SGCD: variants seen among roughly 807,000 people sequenced by gnomAD.
The protein encoded by SGCD is delta-sarcoglycan.
In SGCD, 18 loss-of-function variants were observed where a neutral mutation model predicts 36.6. The observed-to-expected ratio is 0.49, with a 90% CI of 0.34 to 0.73. The LOEUF (loss-of-function observed/expected upper bound fraction) is 0.73, where lower values mean the gene tolerates loss of function less well. Ranked by LOEUF, SGCD falls within the 30% of genes least tolerant of loss-of-function variation. The probability of loss-of-function intolerance (pLI) is 0.01; values close to 1 mark genes in which losing one functional copy is unlikely to be tolerated. For missense variants in SGCD, 387 were observed against 346.7 expected (o/e 1.12, Z -0.92); for synonymous variants, 133 against 130.6 (o/e 1.02, Z -0.12).
At chr5:156,282,688 C>A (rs887809855) in intron 3 of SGCD, among the ~76,000 whole-genome samples, 2 of 151,854 alleles carry the variant, frequency 1.3e-5, no homozygotes, top group African/African-American at 2.4e-5. Flanking sequence ...TGATTACTTA[C>A]GTGTGGTCTA....
intron 7 of SGCD, among the ~76,000 whole-genome samples, chr5:156,667,108 C>T (rs1228417648): frequency 2.6e-5 from 4 of 152,172 alleles, no homozygotes; most frequent in Non-Finnish European, 4.4e-5. Context: ...TTCAGATTTT[C>T]AGATTTGGGG....
intron 1 of SGCD, among the ~76,000 whole-genome samples, chr5:155,985,978 C>T (rs928113215): frequency 6.6e-6 from 1 of 152,090 alleles, no homozygotes; most frequent in South Asian, 2.1e-4. Flanking sequence ...TCCTGGTGGT[C>T]TAAAACTTTT....
chr5:156,189,089 G>A (rs1763830412), intron 3 of SGCD, among the ~76,000 whole-genome samples: 2 of 152,138 alleles, frequency 1.3e-5, no homozygotes, highest in Admixed American at 6.5e-5. Context: ...GCTTTCGCTT[G>A]ACTCTCCACC....
chr5:156,049,349 C>G lies in SGCD; in HGVS notation c.-281-68529C>G, dbSNP rs530809092. ...ATATGAACTTTAAAGTAGTTTTTTC[C>G]AATTCTGTGAAGAAAGTCATTGGTA... On this transcript the variant is annotated intron_variant, in intron 1 of 9. Transcript: ENST00000517913. Among the ~76,000 whole-genome samples the G allele has an allele frequency of 1.4e-5, 2 of 145,640 alleles. 1 individual carries two copies. Among genetic ancestry groups the G allele is most frequent in the Non-Finnish European group, 3.1e-5 (2 of 64,632 alleles).
chr5:156,580,614 CT>C (rs1760213334), intron 4 of SGCD, among the ~76,000 whole-genome samples: 1 of 152,076 alleles, frequency 6.6e-6, no homozygotes, highest in South Asian at 2.1e-4. Context: ...ACTCTTTTTT[CT>C]CTAAACTTCT....
intron 7 of SGCD, among the ~76,000 whole-genome samples, chr5:156,698,242 A>G (rs1754394998): frequency 6.6e-6 from 1 of 152,160 alleles, no homozygotes; most frequent in South Asian, 2.1e-4. Context: ...GCATGAAATC[A>G]CTCATAAGAA....
In SGCD at chr5:156,393,946, T is replaced by C. The variant is rs569849777; in HGVS notation, c.192+49269T>C. 4.6e-5 allele frequency: 18 copies of C among 390,026 alleles called. No homozygotes were observed. The East Asian group carries it at 1.2e-3, about 26-fold the overall frequency. 24.2% of individuals were successfully genotyped at this position (390,026 alleles called of 1,614,324 possible). A position where few individuals can be genotyped will look rare whatever the true frequency, so the allele number is the denominator to read the frequency against. On this transcript the variant is annotated intron_variant, in intron 3 of 8. Coordinates refer to ENST00000337851, the MANE Select transcript of SGCD (RefSeq NM_000337.6). The stretch of plus-strand genomic sequence containing the variant: ...AAGAGATGGGTAAGACCTGATTCTT[T>C]CCCTGAAAAAGGCCACATTCTAAGC...
chr5:156,364,958 G>A (rs891209008), intron 3 of SGCD, among the ~76,000 whole-genome samples: 1 of 152,204 alleles, frequency 6.6e-6, no homozygotes, highest in African/African-American at 2.4e-5. Flanking sequence ...GTGCATGTTG[G>A]TAAAACGGAG....
intron 1 of SGCD, among the ~76,000 whole-genome samples, chr5:156,094,330 T>A (rs1761325418): frequency 6.6e-6 from 1 of 152,124 alleles, no homozygotes; most frequent in Non-Finnish European, 1.5e-5. Context: ...AAGGGTGAGA[T>A]CTTCCTCATC....
the SGCD span, among the ~76,000 whole-genome samples, chr5:155,854,620 A>G: frequency 6.6e-6 from 1 of 152,302 alleles, no homozygotes; most frequent in South Asian, 2.1e-4. Flanking sequence ...AATTATTTCT[A>G]GAAGGTAAAA....
intron 6 of SGCD, among the ~76,000 whole-genome samples, chr5:156,623,587 C>A (rs1352474260): frequency 2.0e-5 from 3 of 152,172 alleles, no homozygotes; most frequent in Non-Finnish European, 4.4e-5. Context: ...GAACACGGTG[C>A]ATTGTTCTTC....
At chr5:155,833,558 T>C in the SGCD span, among the ~76,000 whole-genome samples, 5 of 152,164 alleles carry the variant, frequency 3.3e-5, no homozygotes, top group Non-Finnish European at 7.3e-5. Context: ...AGCTGGCTAC[T>C]TGGAATTATG....
At chr5:156,570,969 G>A (rs1759694730) in intron 4 of SGCD, among the ~76,000 whole-genome samples, 1 of 151,944 alleles carries the variant, frequency 6.6e-6, no homozygotes, top group Admixed American at 6.6e-5. Flanking sequence ...TACATGTTAT[G>A]GATATTTTCT....
intron 3 of SGCD, among the ~76,000 whole-genome samples, chr5:156,142,340 T>A (rs1359018292): frequency 6.6e-6 from 1 of 152,174 alleles, no homozygotes; most frequent in African/African-American, 2.4e-5. Context: ...TTTACAACAA[T>A]GTGAGAACAG....
intron 7 of SGCD, among the ~76,000 whole-genome samples, chr5:156,753,964 G>A (rs573271669): frequency 6.6e-5 from 10 of 152,280 alleles, no homozygotes; most frequent in African/African-American, 2.2e-4. Flanking sequence ...AACATCAAAG[G>A]ACATTAAGCT....
At chr5:156,676,653 C>T (rs1334687179) in intron 7 of SGCD, among the ~76,000 whole-genome samples, 2 of 152,062 alleles carry the variant, frequency 1.3e-5, no homozygotes, top group Non-Finnish European at 2.9e-5. Flanking sequence ...GGGATACAGC[C>T]TAGGAAGAAG....
intron 3 of SGCD, among the ~76,000 whole-genome samples, chr5:156,316,186 C>T (rs1857768): frequency 0.75 from 114,004 of 151,764 alleles, 43,864 homozygotes; most frequent in African/African-American, 0.92. Context: ...TAGCAAACTT[C>T]CCAAAATAGG....
chr5:156,495,804 A>G (rs141990458), intron 3 of SGCD, among the ~76,000 whole-genome samples: 7 of 152,196 alleles, frequency 4.6e-5, no homozygotes, highest in Non-Finnish European at 8.8e-5. Flanking sequence ...TTTTTCATCT[A>G]GGACAGGGAA....
intron 1 of SGCD, among the ~76,000 whole-genome samples, chr5:155,927,514 G>A (rs1406231527): frequency 6.6e-6 from 1 of 152,064 alleles, no homozygotes; most frequent in African/African-American, 2.4e-5. Context: ...AAGGAAGCAG[G>A]GATTCACTCT....
Sources: gnomAD v4.1 joint callset for allele counts (sites outside exome capture counted in the v4.1 genomes callset) on GRCh38, gnomAD v4.1.1 for gene constraint, MANE v1.5 for transcripts, NCBI Gene and HGNC (gene_info 2026-07-23, HGNC 2026-07-21) for gene names.